The following COL15A1 variants were observed in gnomAD, a reference collection of about 807,000 sequenced individuals.
The protein encoded by COL15A1 is collagen type XV alpha 1 chain.
Under a neutral mutation model 165.9 loss-of-function variants are expected in COL15A1, and 111 were observed. The ratio of observed to expected loss-of-function variants is 0.67; its 90% CI spans 0.57 to 0.78. The LOEUF (loss-of-function observed/expected upper bound fraction) is 0.78. Among genes scored for constraint, COL15A1 ranks in the 30% least tolerant of loss-of-function variants. The probability of loss-of-function intolerance (pLI) is 0.00; values close to 1 mark genes in which losing one functional copy is unlikely to be tolerated. For missense variants in COL15A1, 1,745 were observed against 1,789.7 expected (o/e 0.98, Z 0.45); for synonymous variants, 659 against 674.8 (o/e 0.98, Z 0.36).
At chr9:99,005,075 G>C (rs376214368) in intron 9 of COL15A1, 25 bp downstream of exon 9, 1 of 1,560,444 alleles carries the variant, frequency 6.4e-7, no homozygotes, top group Non-Finnish European at 8.7e-7. Flanking sequence ...GTGCCCAAAG[G>C]TTGAGGTCAT....
At chr9:98,969,494 T>C (rs572321026) in intron 2 of COL15A1, among the ~76,000 whole-genome samples, 2 of 152,286 alleles carry the variant, frequency 1.3e-5, no homozygotes, top group African/African-American at 4.8e-5. Context: ...GTCTCCTAGC[T>C]CTGAAAAAAT....
chr9:98,962,659 T>A (rs41522745), intron 2 of COL15A1, among the ~76,000 whole-genome samples: 4,019 of 152,202 alleles, frequency 0.026, 192 homozygotes, highest in African/African-American at 0.092. Flanking sequence ...GATGACAGAG[T>A]GCTTTAGCAG....
At chr9:99,067,128 G>T in intron 40 of COL15A1, 61 bp downstream of exon 40, 1 of 1,418,272 alleles carries the variant, frequency 7.1e-7, no homozygotes, top group Non-Finnish European at 9.7e-7. Context: ...GGGCCTGGAG[G>T]CAGTTTTCAT....
intron 9 of COL15A1, among the ~76,000 whole-genome samples, chr9:99,010,966 T>C (rs1158761733): frequency 1.3e-5 from 2 of 151,038 alleles, no homozygotes; most frequent in South Asian, 2.1e-4. Context: ...ATACTCCTTT[T>C]AGATCTTTAA....
intron 2 of COL15A1, among the ~76,000 whole-genome samples, chr9:98,948,328 G>A (rs2118743317): frequency 6.6e-6 from 1 of 152,248 alleles, no homozygotes; most frequent in East Asian, 1.9e-4. Flanking sequence ...GCCGGGCGCG[G>A]TGGCTCACAC....
intron 2 of COL15A1, among the ~76,000 whole-genome samples, chr9:98,955,655 AG>A (rs1837765020): frequency 6.6e-6 from 1 of 152,250 alleles, no homozygotes; most frequent in African/African-American, 2.4e-5. Context: ...ATGTATATCA[AG>A]AATAGAATGT....
rs557784058 is a variant in COL15A1 at position 99,052,312 on chromosome 9, G to A, written c.2905-76G>A. ...ATTGCCTCTTTTGTCACATGCCCCC[G>A]GGACAGTGGCTGCCTGTTTCTGCAA... On this transcript the variant is annotated intron_variant, in intron 30 of 41. Coordinates refer to ENST00000375001, the MANE Select transcript of COL15A1 (RefSeq NM_001855.5). 3.7e-5 allele frequency: 40 copies of A among 1,088,886 alleles called. No homozygotes were observed. The East Asian group carries it at 3.8e-4, about 10-fold the overall frequency. 67.5% of individuals were successfully genotyped at this position (1,088,886 alleles called of 1,614,324 possible).
chr9:99,056,543 T>G (rs192817701), intron 35 of COL15A1, 139 bp downstream of exon 35: 179 of 1,311,836 alleles, frequency 1.4e-4, no homozygotes, highest in Admixed American at 1.4e-3. Context: ...TTTTTTTTAA[T>G]TGAGATACAA....
At chr9:99,002,708 A>G (rs2118948871) in intron 7 of COL15A1, among the ~76,000 whole-genome samples, 1 of 152,354 alleles carries the variant, frequency 6.6e-6, no homozygotes, top group East Asian at 1.9e-4. Context: ...CAAGGATTTA[A>G]TATATTTTAT....
Position 99,049,732 on chromosome 9 carries a change from CCT to C in COL15A1, c.2837_2838del (p.Pro946ArgfsTer5). On this transcript the variant is annotated frameshift_variant, in exon 29 of 42. Transcript: ENST00000375001. LOFTEE classifies it high-confidence loss of function. The part of the protein sequence containing the change: ...LPGPPGPPGP[P>X]GAVINIKGAI... ...TGGCCCTCCAGGCCCCCCTGGGCCA[CCT>C]GGAGCTGTGATTAACATCAAAGGAG... The C allele has an allele frequency of 6.2e-7, 1 of 1,614,148 alleles. No homozygotes were observed. Among genetic ancestry groups the C allele is most frequent in the Non-Finnish European group, 8.5e-7 (1 of 1,180,048 alleles).
At chr9:99,001,903 C>A (rs1275604646) in intron 7 of COL15A1, among the ~76,000 whole-genome samples, 4 of 152,254 alleles carry the variant, frequency 2.6e-5, no homozygotes, top group African/African-American at 9.6e-5. Flanking sequence ...GATCAAAATT[C>A]CATAGTTTGC....
chr9:99,025,840 G>T, intron 15 of COL15A1, 64 bp from the exon 16 acceptor site: 1 of 1,548,672 alleles, frequency 6.5e-7, no homozygotes, highest in Non-Finnish European at 8.8e-7. Flanking sequence ...TCCTTTTCTA[G>T]CAAGCGTGTG....
In COL15A1 at chr9:99,024,923, A is replaced by C. The variant is rs756404008; in HGVS notation, c.1904A>C (p.Lys635Thr). ...CCTGGCTTACCTGGGATTCCAGGAA[A>C]ACCAGGAACTGATGTTTTCATGGGA... ...GPPGLPGIPG[K>T]PGTDVFMGPP... The change falls in exon 15 of 42, where the codon AAA (lysine) becomes ACA (threonine). Residue 635 changes from lysine (K) to threonine (T), a missense_variant. Lys to Thr is a moderately conservative substitution (Grantham distance 78, BLOSUM62 -1). Transcript: ENST00000375001. 6.8e-6 allele frequency: 11 copies of C among 1,613,958 alleles called. No individual in the cohort carries two copies. The South Asian group carries it at 1.2e-4, about 18-fold the overall frequency.
intron 39 of COL15A1, among the ~76,000 whole-genome samples, chr9:99,066,597 C>CTGTTTTTTTTTTTTTTTT: frequency 1.5e-5 from 1 of 65,118 alleles, no homozygotes; most frequent in South Asian, 5.9e-4. Flanking sequence ...ATATTTTGTT[C>CTGTTTTTTTTTTTTTTTT]TGTTTTTTTT....
At chr9:98,951,792 A>G (rs548712759) in intron 2 of COL15A1, among the ~76,000 whole-genome samples, 58 of 152,274 alleles carry the variant, frequency 3.8e-4, no homozygotes, top group Non-Finnish European at 7.2e-4. Flanking sequence ...TCCTGGCTTC[A>G]AGCAATTCAC....
rs75696834 is a variant in COL15A1 at position 99,049,119 on chromosome 9, G to A, written c.2794-571G>A. On this transcript the variant is annotated intron_variant, in intron 28 of 41. Coordinates refer to ENST00000375001, the MANE Select transcript of COL15A1 (RefSeq NM_001855.5). ...TAAACTCTTCATGCCTGCCCTCAGA[G>A]CCTCACCTCTCCTGCTGCAAGCTCC... Among the ~76,000 whole-genome samples, 579 of 152,324 alleles carry A rather than the reference G, an allele frequency of 3.8e-3. 9 individuals carry two copies. The highest frequency in any genetic ancestry group is 0.027 in the Admixed American group (418 of 15,302).
rs556845594 is a variant in COL15A1 at position 99,069,747 on chromosome 9, G to A, written c.4028G>A (p.Arg1343Gln). Residue 1343 changes from arginine (R) to glutamine (Q), a missense_variant, in exon 42 of 42, where the codon CGA becomes CAA. Arg to Gln is a conservative substitution (Grantham distance 43, BLOSUM62 1). Transcript: ENST00000375001. Reference protein sequence around the residue: ...RLVDNYCEAWRTADTAVTGLA... With the variant: ...RLVDNYCEAWQTADTAVTGLA... ...GTGGATAACTACTGTGAAGCATGGC[G>A]AACCGCGGACACAGCGGTCACGGGA... is the stretch of plus-strand genomic sequence containing the variant. 6 of 1,614,222 alleles carry A rather than the reference G, an allele frequency of 3.7e-6. No homozygotes were observed. Among genetic ancestry groups the A allele is most frequent in the African/African-American group, 2.7e-5 (2 of 75,066 alleles).
In COL15A1 at chr9:99,051,246, G is replaced by A. The variant is rs192192962; in HGVS notation, c.2905-1142G>A. On this transcript the variant is annotated intron_variant, in intron 30 of 41. Coordinates refer to ENST00000375001, the MANE Select transcript of COL15A1 (RefSeq NM_001855.5). ...CAGCACTTGACAAATTTTAGAGTGC[G>A]GTAAAAATGCTACTGCAATTATCAT... Among the ~76,000 whole-genome samples, 1,203 of 152,188 alleles carry A rather than the reference G, an allele frequency of 7.9e-3. 45 individuals are homozygous for A. Among genetic ancestry groups the A allele is most frequent in the Admixed American group, 0.072 (1,097 of 15,284 alleles).
chr9:99,013,243 A>G (rs957383936), intron 9 of COL15A1, among the ~76,000 whole-genome samples: 1 of 151,796 alleles, frequency 6.6e-6, no homozygotes, highest in African/African-American at 2.4e-5. Flanking sequence ...TTTTTAAACT[A>G]ATTTTGTTGG....
Sources: gnomAD v4.1 joint callset for allele counts (sites outside exome capture counted in the v4.1 genomes callset) on GRCh38, gnomAD v4.1.1 for gene constraint, MANE v1.5 for transcripts, NCBI Gene and HGNC (gene_info 2026-07-23, HGNC 2026-07-21) for gene names.